RNF212: variants seen among roughly 807,000 people sequenced by gnomAD.
RNF212 encodes the protein probable E3 SUMO-protein ligase RNF212.
A neutral mutation model predicts 34.7 loss-of-function variants in RNF212; 33 were observed. That is an observed-to-expected ratio of 0.95 (90% CI 0.72 to 1.27). The LOEUF (loss-of-function observed/expected upper bound fraction) is 1.27, where lower values mean the gene tolerates loss of function less well. Among genes scored for constraint, RNF212 ranks in the 50% most tolerant of loss-of-function variants. The probability of loss-of-function intolerance (pLI) is 0.00; values close to 1 mark genes in which losing one functional copy is unlikely to be tolerated. For synonymous variants in RNF212, 140 were observed against 136.1 expected, an observed-to-expected ratio of 1.03 and a Z score of -0.20; for missense variants, 377 against 362.2, an observed-to-expected ratio of 1.04 and a Z score of -0.33.
At chr4:1,064,826 G>A (rs904937223) in intron 3 of RNF212, among the ~76,000 whole-genome samples, 1 of 152,048 alleles carries the variant, frequency 6.6e-6, no homozygotes, top group Admixed American at 6.6e-5. Context: ...TCCCACAGCC[G>A]CTGGCAGCCA....
chr4:1,103,657 G>A (rs964179882), intron 2 of RNF212, among the ~76,000 whole-genome samples: 7 of 152,030 alleles, frequency 4.6e-5, no homozygotes, highest in East Asian at 1.9e-4. Flanking sequence ...TGATAATCTC[G>A]ACAGCTATAG....
At chr4:1,107,255 G>C in intron 2 of RNF212, 1 of 152,018 alleles carries the variant, frequency 6.6e-6, no homozygotes, top group Non-Finnish European at 1.5e-5. Flanking sequence ...GTTTTACCAT[G>C]TTAGCCAGGA....
downstream of RNF212, among the ~76,000 whole-genome samples, chr4:1,067,639 T>C (rs750910217): frequency 1.3e-5 from 2 of 152,076 alleles, no homozygotes; most frequent in Non-Finnish European, 2.9e-5. Context: ...CTGAGGTGGA[T>C]GGATGGCTTG....
At chr4:1,084,940 G>C (rs1247175001) in intron 5 of RNF212, among the ~76,000 whole-genome samples, 1 of 152,198 alleles carries the variant, frequency 6.6e-6, no homozygotes, top group African/African-American at 2.4e-5. Flanking sequence ...AAGGCCACCA[G>C]CCAGTGTGAC....
At chr4:1,105,063 A>G (rs1306262908) in intron 2 of RNF212, among the ~76,000 whole-genome samples, 1 of 152,186 alleles carries the variant, frequency 6.6e-6, no homozygotes, top group Non-Finnish European at 1.5e-5. Flanking sequence ...AGCGAGGCAG[A>G]AGTGCTGCCT....
chr4:1,109,010 C>CTTTTTTTTTTT, intron 1 of RNF212, among the ~76,000 whole-genome samples: 1 of 135,842 alleles, frequency 7.4e-6, no homozygotes, highest in Non-Finnish European at 1.5e-5. Flanking sequence ...CATAATTAGC[C>CTTTTTTTTTTT]TTTTTTTTTT....
intron 2 of RNF212, chr4:1,099,777 G>A: frequency 2.2e-6 from 1 of 456,282 alleles, no homozygotes; most frequent in Non-Finnish European, 4.4e-6. Context: ...AAGGAATGGA[G>A]GAAATCAACC....
At chr4:1,063,477 G>T (rs62294713) in intron 3 of RNF212, among the ~76,000 whole-genome samples, 13,462 of 152,088 alleles carry the variant, frequency 0.089, 635 homozygotes, top group East Asian at 0.14. Context: ...TTGGGAGGCC[G>T]AGGTGGGCAG....
chr4:1,073,893 G>A (rs779810163), intron 8 of RNF212: 11 of 544,710 alleles, frequency 2.0e-5, no homozygotes, highest in Non-Finnish European at 3.3e-5. Flanking sequence ...GATTCCCTCT[G>A]TTCCACCAGG....
intron 8 of RNF212, 191 bp from the exon 9 acceptor site, chr4:1,073,853 T>C (rs1261106640): frequency 4.9e-6 from 3 of 612,898 alleles, no homozygotes; most frequent in South Asian, 1.9e-5. Context: ...GTAGAGGTGG[T>C]GTGGGTGGGT....
intron 2 of RNF212, among the ~76,000 whole-genome samples, chr4:1,100,537 A>G (rs1014886443): frequency 6.6e-6 from 1 of 150,992 alleles, no homozygotes; most frequent in African/African-American, 2.4e-5. Context: ...GCTCCCAAGT[A>G]ATTGGGATTA....
At chr4:1,077,120 CG>C (rs1320330824) in intron 8 of RNF212, among the ~76,000 whole-genome samples, 1 of 152,072 alleles carries the variant, frequency 6.6e-6, no homozygotes, top group African/African-American at 2.4e-5. Context: ...CCCAGCTACT[CG>C]GGAGGCTGAG....
At position 1,072,849 on chromosome 4, in the gene RNF212, T is replaced by A. The variant is rs1389657237; in HGVS notation, c.*25A>T. The A allele has an allele frequency of 6.5e-7, 1 of 1,548,402 alleles. No homozygotes were observed. Among genetic ancestry groups the A allele is most frequent in the South Asian group, 1.2e-5 (1 of 83,626 alleles). ...AGGAATAAATTGAAAACACTCAGAA[T>A]CATTAATAGTCACATAAATGCAAAT... On this transcript the variant is annotated 3_prime_UTR_variant, in exon 10 of 10. Transcript: ENST00000433731.
At chr4:1,088,910 C>T (rs2153049943) in intron 4 of RNF212, among the ~76,000 whole-genome samples, 1 of 152,336 alleles carries the variant, frequency 6.6e-6, no homozygotes, top group South Asian at 2.1e-4. Flanking sequence ...GGAACCTCCA[C>T]CTAGATTTGA....
rs60877270 is a variant in RNF212 at position 1,065,538 on chromosome 4, G to GAT, written n.148-7146_148-7145insAT. ...TCTGGGGTGCAGTGGTATGATCACT[G>GAT]CTCACTGCAGCCTTGACCTCCCAGG... On this transcript the variant is annotated intron_variant and non_coding_transcript_variant, in intron 3 of 4. Transcript: ENST00000503206. 2.0e-5 allele frequency among the ~76,000 whole-genome samples: 3 copies of GAT among 151,962 alleles called. No individual in the cohort carries two copies. The East Asian group carries it at 5.8e-4, about 29-fold the overall frequency.
Position 1,073,175 on chromosome 4 carries a change from G to A in RNF212, c.593C>T (p.Ser198Phe). 6.2e-7 allele frequency: 1 copy of A among 1,614,006 alleles called. No individual in the cohort carries two copies. The highest frequency in any genetic ancestry group is 8.5e-7 in the Non-Finnish European group (1 of 1,179,894). The change falls in exon 10 of 10, where the codon TCT becomes TTT. Residue 198 changes from serine (S) to phenylalanine (F), a missense_variant. Ser to Phe is a radical substitution (Grantham distance 155). Coordinates refer to ENST00000433731, the MANE Select transcript of RNF212 (RefSeq NM_001131034.4). ...DGRMGPHLTASFCFIPWLTLS... is the reference protein window; with the variant it reads ...DGRMGPHLTAFFCFIPWLTLS... ...GGTCAACCATGGGATGAAACAGAAA[G>A]AAGCTGTTAGATGTGGCCCTGCGGG...
chr4:1,061,678 G>C (rs185805823), intron 3 of RNF212, among the ~76,000 whole-genome samples: 1 of 151,852 alleles, frequency 6.6e-6, no homozygotes, highest in African/African-American at 2.4e-5. Flanking sequence ...AAAGACAGGC[G>C]GACACCCCGG....
At chr4:1,112,662 C>A (rs2153069588) in intron 1 of RNF212, among the ~76,000 whole-genome samples, 1 of 149,956 alleles carries the variant, frequency 6.7e-6, no homozygotes. Context: ...CCCCGACTGA[C>A]AGGACTCGTG....
chr4:1,102,708 C>T (rs569992433), intron 2 of RNF212, among the ~76,000 whole-genome samples: 10 of 134,798 alleles, frequency 7.4e-5, no homozygotes, highest in African/African-American at 2.0e-4. Context: ...AAAAATTAGC[C>T]GGGCGTGGTG....
Sources: gnomAD v4.1 joint callset for allele counts (sites outside exome capture counted in the v4.1 genomes callset) on GRCh38, gnomAD v4.1.1 for gene constraint, MANE v1.5 for transcripts, NCBI Gene and HGNC (gene_info 2026-07-23, HGNC 2026-07-21) for gene names.